The following SPAG16 variants were observed in gnomAD, a reference collection of about 807,000 sequenced individuals.
SPAG16 encodes sperm associated antigen 16, also known as sperm-associated antigen 16 protein.
In SPAG16, 86 loss-of-function variants were observed where a neutral mutation model predicts 80.4. The observed-to-expected ratio is 1.07, with a 90% CI of 0.90 to 1.28. SPAG16 has a LOEUF of 1.28. Among genes scored for constraint, SPAG16 ranks in the 50% most tolerant of loss-of-function variants. The pLI is 0.00. For missense variants in SPAG16, 870 were observed against 765.3 expected, an observed-to-expected ratio of 1.14 and a Z score of -1.61; for synonymous variants, 294 against 265.9, an observed-to-expected ratio of 1.11 and a Z score of -1.03.
intron 9 of SPAG16, among the ~76,000 whole-genome samples, chr2:213,423,147 C>G (rs1048964695): frequency 6.6e-6 from 1 of 152,154 alleles, no homozygotes; most frequent in Admixed American, 6.5e-5. Flanking sequence ...TTGTGTTAAC[C>G]AGGACCAAAT....
chr2:213,647,381 G>A (rs932527943), intron 10 of SPAG16, among the ~76,000 whole-genome samples: 1 of 152,188 alleles, frequency 6.6e-6, no homozygotes, highest in Non-Finnish European at 1.5e-5. Flanking sequence ...TCCAGAGCCA[G>A]TTCTGAGTCT....
Position 213,639,967 on chromosome 2 carries a change from G to A in SPAG16, c.1070+149877G>A, listed in dbSNP as rs543688543. Reference sequence around the variant, plus strand: ...TTTTTCTTTATCTGTGTTGGATTGGGTTAATTTGAAAGCCTTGTCTTTGAG... The same window carrying A: ...TTTTTCTTTATCTGTGTTGGATTGGATTAATTTGAAAGCCTTGTCTTTGAG... On this transcript the variant is annotated intron_variant, in intron 10 of 15. Transcript: ENST00000331683. Among the ~76,000 whole-genome samples, 10 of 152,164 alleles carry A rather than the reference G, an allele frequency of 6.6e-5. No homozygotes were observed. In the Middle Eastern group the frequency reaches 0.01, roughly 155 times the overall value.
intron 15 of SPAG16, among the ~76,000 whole-genome samples, chr2:214,292,879 G>A (rs544807802): frequency 6.6e-6 from 1 of 152,176 alleles, no homozygotes; most frequent in Non-Finnish European, 1.5e-5. Flanking sequence ...TTGAGTGCAT[G>A]CGATATTGTA....
At chr2:213,377,901 A>ATT (rs1247661680) in intron 9 of SPAG16, among the ~76,000 whole-genome samples, 1 of 24,850 alleles carries the variant, frequency 4.0e-5, no homozygotes. Context: ...ATATATATAT[A>ATT]TATTTTTTTT....
intron 9 of SPAG16, among the ~76,000 whole-genome samples, chr2:213,484,770 T>A (rs936844256): frequency 2.0e-5 from 3 of 152,226 alleles, no homozygotes; most frequent in African/African-American, 7.2e-5. Flanking sequence ...TGCTCCCAGA[T>A]TCACGTTGAT....
At chr2:213,721,629 C>G (rs1350748362) in intron 10 of SPAG16, among the ~76,000 whole-genome samples, 3 of 152,182 alleles carry the variant, frequency 2.0e-5, no homozygotes, top group Non-Finnish European at 4.4e-5. Context: ...AATATACTGA[C>G]TTACTCATAG....
chr2:213,384,253 C>A (rs1325871997), intron 9 of SPAG16, among the ~76,000 whole-genome samples: 1 of 152,152 alleles, frequency 6.6e-6, no homozygotes, highest in Admixed American at 6.5e-5. Flanking sequence ...GAGCAGTTTT[C>A]AAGTCTCCTA....
chr2:213,681,489 G>T (rs1350104868), intron 10 of SPAG16, among the ~76,000 whole-genome samples: 1 of 152,088 alleles, frequency 6.6e-6, no homozygotes, highest in African/African-American at 2.4e-5. Flanking sequence ...ATGCTTTCCA[G>T]TTCCAATTCC....
chr2:214,266,010 A>T (rs976684201), intron 15 of SPAG16, among the ~76,000 whole-genome samples: 1 of 151,826 alleles, frequency 6.6e-6, no homozygotes, highest in Non-Finnish European at 1.5e-5. Context: ...GCTGAGACTC[A>T]GTTTGTTTTG....
intron 10 of SPAG16, among the ~76,000 whole-genome samples, chr2:213,685,037 G>T (rs2064594406): frequency 1.3e-5 from 2 of 152,210 alleles, no homozygotes; most frequent in Admixed American, 1.3e-4. Flanking sequence ...TAGACCTGAA[G>T]AATTTGTGAG....
intron 10 of SPAG16, among the ~76,000 whole-genome samples, chr2:213,670,111 C>T (rs2125217230): frequency 6.6e-6 from 1 of 152,100 alleles, no homozygotes; most frequent in South Asian, 2.1e-4. Context: ...CCTTCTGCCT[C>T]AGCCTCCCAA....
Position 213,676,711 on chromosome 2 carries a change from C to A in SPAG16, c.1071-185774C>A, listed in dbSNP as rs2064098129. Among the ~76,000 whole-genome samples, 3 of 151,230 alleles carry A rather than the reference C, an allele frequency of 2.0e-5. No individual in the cohort carries two copies. The South Asian group carries it at 6.3e-4, about 32-fold the overall frequency. On this transcript the variant is annotated intron_variant, in intron 10 of 15. Coordinates refer to ENST00000331683, the MANE Select transcript of SPAG16 (RefSeq NM_024532.5). ...TATTGATTTGCGTATATTGAACCAG[C>A]CTTGCATCCCAGGGATGAAGCCCAC...
intron 10 of SPAG16, among the ~76,000 whole-genome samples, chr2:213,620,512 T>C (rs991590435): frequency 2.0e-5 from 3 of 152,026 alleles, no homozygotes; most frequent in Admixed American, 1.3e-4. Context: ...CAGGATGGTC[T>C]CGATCTCTTG....
chr2:213,291,760 C>G (rs577149621), intron 1 of SPAG16, among the ~76,000 whole-genome samples: 2 of 152,274 alleles, frequency 1.3e-5, no homozygotes, highest in East Asian at 3.9e-4. Context: ...GCATTTGTAT[C>G]TCAGGAATTT....
At chr2:214,360,547 G>C (rs978684580) in intron 15 of SPAG16, among the ~76,000 whole-genome samples, 44 of 151,914 alleles carry the variant, frequency 2.9e-4, no homozygotes, top group Middle Eastern at 3.4e-3. Flanking sequence ...TGAGATAGAT[G>C]CAAATCCATT....
intron 10 of SPAG16, among the ~76,000 whole-genome samples, chr2:213,590,008 A>C (rs2060629133): frequency 6.6e-6 from 1 of 152,004 alleles, no homozygotes; most frequent in East Asian, 1.9e-4. Context: ...AGGAATAATA[A>C]TATTCCCTCC....
At chr2:214,164,021 G>A (rs981232462) in intron 15 of SPAG16, among the ~76,000 whole-genome samples, 1 of 151,974 alleles carries the variant, frequency 6.6e-6, no homozygotes, top group Non-Finnish European at 1.5e-5. Flanking sequence ...ATGTACAATG[G>A]CCTATCCAAA....
chr2:214,354,115 CCTA>C (rs66552769), intron 15 of SPAG16, among the ~76,000 whole-genome samples: 102,950 of 151,264 alleles, frequency 0.68, 39,706 homozygotes, highest in South Asian at 0.87. Context: ...AATATATATA[CCTA>C]CTATGTACCC....
chr2:213,785,428 C>G (rs1192046094), intron 10 of SPAG16, among the ~76,000 whole-genome samples: 1 of 152,084 alleles, frequency 6.6e-6, no homozygotes, highest in African/African-American at 2.4e-5. Context: ...CAAAAATATT[C>G]ATTTCATATT....
Sources: allele counts gnomAD v4.1 joint callset (sites outside exome capture counted in the v4.1 genomes callset), GRCh38; gene constraint gnomAD v4.1.1; transcripts MANE v1.5; gene names NCBI Gene and HGNC (gene_info 2026-07-23, HGNC 2026-07-21).